The following FREM1 variants were observed in gnomAD, a reference collection of about 807,000 sequenced individuals.
FREM1 encodes the protein FRAS1-related extracellular matrix protein 1.
FREM1 carries 220 observed loss-of-function variants against 210.1 expected under a neutral mutation model. The observed-to-expected ratio is 1.05, with a 90% CI of 0.94 to 1.17. The LOEUF is 1.17. FREM1 is among the 50% of genes most tolerant of loss of function. The pLI, the probability that FREM1 is intolerant of heterozygous loss-of-function variation, is 0.00. For missense variants in FREM1, 3,454 were observed against 2,675.5 expected (o/e 1.29, Z -6.42); for synonymous variants, 1,189 against 980.2 (o/e 1.21, Z -3.98).
chr9:14,802,723 A>G (rs1230390944), intron 19 of FREM1, among the ~76,000 whole-genome samples: 1 of 152,230 alleles, frequency 6.6e-6, no homozygotes, highest in Non-Finnish European at 1.5e-5. Flanking sequence ...AAATAATAAG[A>G]GTATATAAAT....
intron 17 of FREM1, among the ~76,000 whole-genome samples, chr9:14,807,642 C>T (rs866403459): frequency 3.2e-4 from 48 of 151,490 alleles, no homozygotes; most frequent in Middle Eastern, 3.4e-3. Context: ...TTGAGGATTG[C>T]AATGTTGTCC....
At chr9:14,803,634 G>T (rs1285731544) in intron 19 of FREM1, among the ~76,000 whole-genome samples, 1 of 152,082 alleles carries the variant, frequency 6.6e-6, no homozygotes. Flanking sequence ...CTCCCAAAGT[G>T]CTGGGATTAC....
At chr9:14,906,608 C>A (rs1340863971) in intron 1 of FREM1, among the ~76,000 whole-genome samples, 2 of 152,222 alleles carry the variant, frequency 1.3e-5, no homozygotes, top group African/African-American at 4.8e-5. Flanking sequence ...TTTCTGCAAT[C>A]TTCCTAACTT....
chr9:14,791,010 A>C (rs1410364565), intron 22 of FREM1: 1 of 152,222 alleles, frequency 6.6e-6, no homozygotes, highest in East Asian at 1.9e-4. Flanking sequence ...TGTTCCACAT[A>C]GAATGAATTC....
chr9:14,802,497 A>C (rs1021388992), intron 19 of FREM1, among the ~76,000 whole-genome samples: 1 of 151,964 alleles, frequency 6.6e-6, no homozygotes, highest in Admixed American at 6.5e-5. Flanking sequence ...TATACTTCCA[A>C]ATTTCCTGAA....
chr9:14,835,239 C>T (rs568771236), intron 10 of FREM1, among the ~76,000 whole-genome samples: 188 of 152,284 alleles, frequency 1.2e-3, no homozygotes, highest in Non-Finnish European at 1.9e-3. Context: ...CTATTTACAG[C>T]CTTTAATAAT....
intron 1 of FREM1, among the ~76,000 whole-genome samples, chr9:14,888,654 T>A (rs770921492): frequency 5.3e-5 from 8 of 152,184 alleles, no homozygotes; most frequent in Admixed American, 2.0e-4. Flanking sequence ...TTAAATCAAT[T>A]AAATGTGTGT....
intron 1 of FREM1, among the ~76,000 whole-genome samples, chr9:14,872,575 C>A (rs557609112): frequency 6.6e-6 from 1 of 152,256 alleles, no homozygotes; most frequent in African/African-American, 2.4e-5. Context: ...TGGACTGAGA[C>A]AATGGGGTTT....
chr9:14,836,728 T>G lies in FREM1; in HGVS notation c.1881+4719A>C, dbSNP rs1824684138. Among the ~76,000 whole-genome samples, 1 of 152,184 alleles carries G rather than the reference T, an allele frequency of 6.6e-6. No individual in the cohort carries two copies. The highest frequency in any genetic ancestry group is 1.5e-5 in the Non-Finnish European group (1 of 68,028). On this transcript the variant is annotated intron_variant, in intron 10 of 36. Transcript: ENST00000380880. The surrounding 1 kb of genome is among the most constrained non-coding windows in gnomAD (Gnocchi z 4.9). ...CTGCAAACTGAACCGCATGTGGACA[T>G]GCCATTCTTCCGAGGACCCTTAAAT...
intron 16 of FREM1, among the ~76,000 whole-genome samples, chr9:14,812,025 T>A (rs1043336315): frequency 6.6e-6 from 1 of 152,122 alleles, no homozygotes; most frequent in East Asian, 1.9e-4. Flanking sequence ...TCAGAAGATG[T>A]GCAAGGTGAG....
Position 14,871,945 on chromosome 9 carries a change from G to C in FREM1, c.-267-2701C>G, listed in dbSNP as rs200521690. On this transcript the variant is annotated intron_variant, in intron 1 of 36. Transcript: ENST00000380880. ...AATCCTTTCCCCATTGCTTGTTTTT[G>C]TCAGGTTTGTCAAAGATCAGATAGA... Among the ~76,000 whole-genome samples, 18 of 152,194 alleles carry C rather than the reference G, an allele frequency of 1.2e-4. No individual in the cohort carries two copies. In the East Asian group the frequency reaches 1.9e-3, roughly 16 times the overall value.
chr9:14,738,216 G>C (rs1474417719), intron 36 of FREM1, among the ~76,000 whole-genome samples: 1 of 152,028 alleles, frequency 6.6e-6, no homozygotes, highest in Non-Finnish European at 1.5e-5. Context: ...TAAAGCTTCT[G>C]TAATATTTTC....
At chr9:14,886,222 T>C (rs1835778402) in intron 1 of FREM1, among the ~76,000 whole-genome samples, 2 of 151,702 alleles carry the variant, frequency 1.3e-5, no homozygotes, top group Non-Finnish European at 2.9e-5. Context: ...CTGTCTCTAC[T>C]AAAAATACAA....
intron 20 of FREM1, among the ~76,000 whole-genome samples, chr9:14,798,264 T>A (rs931149121): frequency 6.6e-6 from 1 of 152,222 alleles, no homozygotes; most frequent in Non-Finnish European, 1.5e-5. Context: ...TCTGGATATT[T>A]TAAAGTTGTA....
chr9:14,794,819 G>A (rs1409238806), intron 21 of FREM1, among the ~76,000 whole-genome samples: 2 of 151,912 alleles, frequency 1.3e-5, no homozygotes, highest in Admixed American at 1.3e-4. Context: ...CCAACATGGT[G>A]AAACCCCATT....
intron 27 of FREM1, among the ~76,000 whole-genome samples, chr9:14,765,330 G>C (rs568847466): frequency 1.2e-3 from 190 of 152,300 alleles, no homozygotes; most frequent in Non-Finnish European, 1.7e-3. Flanking sequence ...AAGTGCTTTA[G>C]AATCAAGCAC....
At chr9:14,818,953 T>A (rs1321919767) in intron 14 of FREM1, among the ~76,000 whole-genome samples, 1 of 152,230 alleles carries the variant, frequency 6.6e-6, no homozygotes, top group Non-Finnish European at 1.5e-5. Flanking sequence ...CTGTGATATG[T>A]GCAGTTACTG....
intron 5 of FREM1, among the ~76,000 whole-genome samples, chr9:14,856,456 G>A (rs933545856): frequency 5.9e-5 from 9 of 152,008 alleles, no homozygotes; most frequent in Non-Finnish European, 7.4e-5. Flanking sequence ...AATTCCTTGG[G>A]GTAATAATGT....
chr9:14,825,712 T>C (rs538486740), intron 10 of FREM1, among the ~76,000 whole-genome samples: 87 of 151,778 alleles, frequency 5.7e-4, no homozygotes, highest in Non-Finnish European at 3.8e-4. Flanking sequence ...CAGTCATCAA[T>C]CTTAGAAACC....
Sources: allele counts gnomAD v4.1 joint callset (sites outside exome capture counted in the v4.1 genomes callset), GRCh38; gene constraint gnomAD v4.1.1; non-coding constraint Gnocchi (gnomAD v3.1); transcripts MANE v1.5; gene names NCBI Gene and HGNC (gene_info 2026-07-23, HGNC 2026-07-21).